GREM2: variants seen among roughly 807,000 people sequenced by gnomAD.
GREM2 encodes gremlin-2.
In GREM2, 11 loss-of-function variants were observed where a neutral mutation model predicts 14.2. The observed-to-expected ratio is 0.78, with a 90% CI of 0.49 to 1.28. The LOEUF (loss-of-function observed/expected upper bound fraction) is 1.28, where lower values mean the gene tolerates loss of function less well. GREM2 is among the 50% of genes most tolerant of loss of function. The pLI is 0.00. For synonymous variants in GREM2, 98 were observed against 97.6 expected (o/e 1.00, Z -0.02); for missense variants, 210 against 218.5 (o/e 0.96, Z 0.24).
At chr1:240,546,773 T>A (rs144806691) in intron 1 of GREM2, among the ~76,000 whole-genome samples, 1 of 151,930 alleles carries the variant, frequency 6.6e-6, no homozygotes, top group African/African-American at 2.4e-5. Context: ...ATTGAAAGAG[T>A]TGTCAAAACA....
At chr1:240,571,689 ACT>A (rs942802423) in intron 1 of GREM2, among the ~76,000 whole-genome samples, 4 of 152,002 alleles carry the variant, frequency 2.6e-5, no homozygotes, top group Admixed American at 2.6e-4. Context: ...GAAGAGTGAA[ACT>A]CCATCGCAAA....
At chr1:240,529,934 A>T (rs964601297) in intron 1 of GREM2, among the ~76,000 whole-genome samples, 1 of 152,188 alleles carries the variant, frequency 6.6e-6, no homozygotes, top group Admixed American at 6.5e-5. Context: ...TTGAAAAGAT[A>T]TTCTTGGGAC....
intron 1 of GREM2, among the ~76,000 whole-genome samples, chr1:240,512,756 T>G (rs1677861649): frequency 6.6e-6 from 1 of 152,194 alleles, no homozygotes; most frequent in Non-Finnish European, 1.5e-5. Context: ...CACATTCATA[T>G]TTCAGTTTGT....
chr1:240,546,361 A>G (rs6697523), intron 1 of GREM2, among the ~76,000 whole-genome samples: 36,905 of 151,436 alleles, frequency 0.24, 7,609 homozygotes, highest in African/African-American at 0.56. Flanking sequence ...AAAAACAAAG[A>G]AAGAAAATTT....
Position 240,500,237 on chromosome 1 carries a change from G to A in GREM2, c.-1-6761C>T, listed in dbSNP as rs149163068. Among the ~76,000 whole-genome samples, 630 of 152,026 alleles carry A rather than the reference G, an allele frequency of 4.1e-3. 5 individuals carry two copies. The highest frequency in any genetic ancestry group is 0.014 in the African/African-American group (574 of 41,452). On this transcript the variant is annotated intron_variant, in intron 1 of 1. Coordinates refer to ENST00000318160, the MANE Select transcript of GREM2 (RefSeq NM_022469.4). ...CAGCATCCCAAAGTTGGTATTCGTCGTTCCTGTTGATGCTTTTGCTGCTCA... is the reference window on the plus strand; with the variant it reads ...CAGCATCCCAAAGTTGGTATTCGTCATTCCTGTTGATGCTTTTGCTGCTCA...
chr1:240,538,403 T>C (rs1433576080), intron 1 of GREM2, among the ~76,000 whole-genome samples: 1 of 152,122 alleles, frequency 6.6e-6, no homozygotes, highest in Non-Finnish European at 1.5e-5. Flanking sequence ...ATTAAAGACA[T>C]GTAAAGACTT....
At chr1:240,563,133 G>GTA (rs199521935) in intron 1 of GREM2, among the ~76,000 whole-genome samples, 2 of 146,132 alleles carry the variant, frequency 1.4e-5, no homozygotes, top group Non-Finnish European at 3.0e-5. Flanking sequence ...GTGTGTATGT[G>GTA]TATGTGTGTG....
At chr1:240,578,384 C>T (rs1018581468) in intron 1 of GREM2, among the ~76,000 whole-genome samples, 1 of 152,028 alleles carries the variant, frequency 6.6e-6, no homozygotes, top group Non-Finnish European at 1.5e-5. Flanking sequence ...CTGTGGCCTC[C>T]CAAAATGCTG....
chr1:240,501,446 C>T (rs1677566795), intron 1 of GREM2, among the ~76,000 whole-genome samples: 3 of 152,184 alleles, frequency 2.0e-5, no homozygotes, highest in Non-Finnish European at 2.9e-5. Flanking sequence ...AGAAATGATA[C>T]TATCATTACT....
At chr1:240,526,287 C>G (rs1678220253) in intron 1 of GREM2, among the ~76,000 whole-genome samples, 1 of 152,148 alleles carries the variant, frequency 6.6e-6, no homozygotes. Context: ...CATTAGGAGT[C>G]TATTTTATAA....
chr1:240,516,273 T>C (rs577871218), intron 1 of GREM2, among the ~76,000 whole-genome samples: 44 of 152,222 alleles, frequency 2.9e-4, no homozygotes, highest in Middle Eastern at 6.8e-3. Context: ...ACCCTGACTC[T>C]TAGTGGTAAT....
At chr1:240,590,931 G>A (rs925460374) in intron 1 of GREM2, among the ~76,000 whole-genome samples, 2 of 152,040 alleles carry the variant, frequency 1.3e-5, no homozygotes, top group South Asian at 2.1e-4. Flanking sequence ...ACAGGCACGC[G>A]CCTCCATGCC....
chr1:240,537,662 G>A (rs567456208), intron 1 of GREM2, among the ~76,000 whole-genome samples: 1 of 152,240 alleles, frequency 6.6e-6, no homozygotes, highest in East Asian at 1.9e-4. Flanking sequence ...GCGCGTGCCT[G>A]TAATCCCAGC....
At chr1:240,516,650 G>A (rs1269149430) in intron 1 of GREM2, among the ~76,000 whole-genome samples, 1 of 152,108 alleles carries the variant, frequency 6.6e-6, no homozygotes, top group South Asian at 2.1e-4. Flanking sequence ...CTGTTTCTCA[G>A]GTTGTAATCT....
chr1:240,552,752 C>T (rs1036883051), intron 1 of GREM2, among the ~76,000 whole-genome samples: 11 of 152,170 alleles, frequency 7.2e-5, no homozygotes, highest in African/African-American at 2.7e-4. Context: ...TAATGTCCTT[C>T]TAACCGATTT....
intron 1 of GREM2, among the ~76,000 whole-genome samples, chr1:240,497,612 T>TAA (rs34367111): frequency 7.1e-6 from 1 of 140,306 alleles, no homozygotes; most frequent in South Asian, 2.3e-4. Flanking sequence ...GCAAAGGGAG[T>TAA]AAAAAAAAAA....
At chr1:240,562,964 GTGTGTA>G (rs200582985) in intron 1 of GREM2, among the ~76,000 whole-genome samples, 8,901 of 147,172 alleles carry the variant, frequency 0.06, 729 homozygotes, top group African/African-American at 0.2. Flanking sequence ...GTGTGTGAGT[GTGTGTA>G]TGTGTGTATA....
chr1:240,529,018 G>A (rs1394882225), intron 1 of GREM2, among the ~76,000 whole-genome samples: 1 of 152,162 alleles, frequency 6.6e-6, no homozygotes, highest in African/African-American at 2.4e-5. Flanking sequence ...AAACTGTTTG[G>A]ATTGTATTTG....
At chr1:240,532,204 C>G (rs959619210) in intron 1 of GREM2, among the ~76,000 whole-genome samples, 7 of 152,122 alleles carry the variant, frequency 4.6e-5, no homozygotes, top group Non-Finnish European at 1.0e-4. Flanking sequence ...CTGCCTCAGT[C>G]TCCCGAATAG....
Sources: allele counts gnomAD v4.1 joint callset (sites outside exome capture counted in the v4.1 genomes callset), GRCh38; gene constraint gnomAD v4.1.1; transcripts MANE v1.5; gene names NCBI Gene and HGNC (gene_info 2026-07-23, HGNC 2026-07-21).